CRIP2: variants seen among roughly 807,000 people sequenced by gnomAD.
The protein encoded by CRIP2 is cysteine rich protein 2.
In CRIP2, 31 loss-of-function variants were observed where a neutral mutation model predicts 31.3. That is an observed-to-expected ratio of 0.99 (90% CI 0.74 to 1.34). The LOEUF is 1.34. Ranked by LOEUF, CRIP2 falls within the 40% of genes most tolerant of loss-of-function variation. CRIP2 has a pLI of 0.00. For synonymous variants in CRIP2, 177 were observed against 127.2 expected (o/e 1.39, Z -2.63); for missense variants, 389 against 301.6 (o/e 1.29, Z -2.15).
Position 105,478,319 on chromosome 14 carries a change from G to T in CRIP2, c.97G>T (p.Glu33Ter). 1 of 1,571,156 alleles carries T rather than the reference G, an allele frequency of 6.4e-7. No homozygotes were observed. Among genetic ancestry groups the T allele is most frequent in the Non-Finnish European group, 8.6e-7 (1 of 1,161,240 alleles). Reference protein sequence around the residue: ...KDWHKFCLKCERCSKTLTPGG... With the variant: ...KDWHKFCLKC ...CTGGCACAAGTTCTGCCTCAAGTGCGAGCGCTGCAGCAAGACGCTGACGCC... is the reference window on the plus strand; with the variant it reads ...CTGGCACAAGTTCTGCCTCAAGTGCTAGCGCTGCAGCAAGACGCTGACGCC... Residue 33 changes from glutamate to a stop codon, truncating the protein, a stop_gained, in exon 2 of 8, where the codon GAG becomes TAG. Transcript: ENST00000329146. LOFTEE classifies it high-confidence loss of function. This position sits in a 1 kb window ranked among gnomAD's most constrained non-coding sequence, Gnocchi z 4.9.
Position 105,479,604 on chromosome 14 carries a change from T to C in CRIP2, c.578T>C (p.Val193Ala), listed in dbSNP as rs1338298953. 1.9e-6 allele frequency: 3 copies of C among 1,612,534 alleles called. No homozygotes were observed. Among genetic ancestry groups the C allele is most frequent in the Non-Finnish European group, 2.5e-6 (3 of 1,179,922 alleles). The change falls in exon 8 of 8, where the codon GTG (valine) becomes GCG (alanine). Residue 193 changes from valine to alanine, a missense_variant. By Grantham distance (64) the Val-to-Ala change is moderately conservative. Coordinates refer to ENST00000329146, the MANE Select transcript of CRIP2 (RefSeq NM_001312.4). ...TCCACAGGAGTGAACACCGGTGCGG[T>C]GGGCAGCTACATCTATGACCGGGAC... ...FGPKGVNTGAVGSYIYDRDPE... is the reference protein window; with the variant it reads ...FGPKGVNTGAAGSYIYDRDPE...
At chr14:105,473,287 C>T (rs1555435126), upstream of CRIP2, 1 of 1,439,970 alleles carries the variant, frequency 6.9e-7, no homozygotes, top group African/African-American at 1.5e-5. Context: ...GGCACAGGTC[C>T]CAAGTGCAGA....
In CRIP2 at chr14:105,479,708, C is replaced by T. The variant is rs781789000; in HGVS notation, c.*55C>T. The T allele has an allele frequency of 3.0e-5, 47 of 1,551,038 alleles. No homozygotes were observed. Among genetic ancestry groups the T allele is most frequent in the Non-Finnish European group, 4.1e-5 (47 of 1,141,318 alleles). On this transcript the variant is annotated 3_prime_UTR_variant, in exon 8 of 8. Transcript: ENST00000329146. ...CCTGCGCCCCAGACCCTGCAGGGGCCCCCCTGCTTGGCTCTGCTGGGAGAG... is the reference window on the plus strand; with the variant it reads ...CCTGCGCCCCAGACCCTGCAGGGGCTCCCCTGCTTGGCTCTGCTGGGAGAG...
At chr14:105,473,327 CG>C (rs782118836), upstream of CRIP2, 70 of 48,908 alleles carry the variant, frequency 1.4e-3, no homozygotes, top group Non-Finnish European at 2.0e-3. Context: ...GTCAGTCGGG[CG>C]GGGGGGCGGG....
chr14:105,473,320 A>T (rs2083873102), upstream of CRIP2: 1 of 154,738 alleles, frequency 6.5e-6, no homozygotes, highest in Non-Finnish European at 1.1e-5. Context: ...CAGGCTGGTC[A>T]GTCGGGCGGG....
intron 6 of CRIP2, 79 bp downstream of exon 6, chr14:105,479,298 G>A (rs1347521349): frequency 6.6e-7 from 1 of 1,516,234 alleles, no homozygotes; most frequent in Non-Finnish European, 8.9e-7. Context: ...CGCGCCTAGA[G>A]GGGATGGGGG....
rs1423067805 is a variant in CRIP2 at position 105,478,884 on chromosome 14, CGGGCTG to C, written c.337+23_337+28del. On this transcript the variant is annotated intron_variant, in intron 4 of 7. Transcript: ENST00000329146. The surrounding 1 kb of genome is among the most constrained non-coding windows in gnomAD (Gnocchi z 4.9). ...GGGCCCAGCAGAGGTGGGCTGGGCG[CGGGCTG>C]GGGCTGGGGGTTGTGGGCACGCGCG... The C allele has an allele frequency of 3.5e-6, 5 of 1,442,964 alleles. No homozygotes were observed. The Admixed American group carries it at 1.4e-4, about 41-fold the overall frequency. The allele number at this position is 1,442,964 out of a possible 1,614,324, so 89.4% of individuals were successfully genotyped here. A position where few individuals can be genotyped will look rare whatever the true frequency, so the allele number is the denominator to read the frequency against.
intron 6 of CRIP2, 38 bp from the exon 7 acceptor site, chr14:105,479,398 C>G (rs2084037975): frequency 6.2e-7 from 1 of 1,611,694 alleles, no homozygotes; most frequent in Non-Finnish European, 8.5e-7. Flanking sequence ...TCGGGGGAGT[C>G]TGTGGACTCC....
Position 105,478,360 on chromosome 14 carries a change from G to GGTGA in CRIP2, c.138+2_138+5dup. 6.4e-7 allele frequency: 1 copy of GGTGA among 1,571,990 alleles called. No individual in the cohort carries two copies. The highest frequency in any genetic ancestry group is 2.3e-5 in the East Asian group (1 of 43,202). ...CGCTGACGCCCGGGGGCCACGCCGA[G>GGTGA]GTGAGCCCCACTGCGCGGCGCGGGC... On this transcript the variant is annotated frameshift_variant and splice_region_variant. Transcript: ENST00000329146. LOFTEE classifies it high-confidence loss of function. The surrounding 1 kb of genome is among the most constrained non-coding windows in gnomAD (Gnocchi z 4.9).
chr14:105,474,812 C>A, upstream of CRIP2: 1 of 1,310,890 alleles, frequency 7.6e-7, no homozygotes, highest in Non-Finnish European at 9.8e-7. The surrounding 1 kb of genome is among the most constrained non-coding windows in gnomAD (Gnocchi z 5.1). Context: ...CGGGCGGCGG[C>A]GGCCCGGAGG....
intron 6 of CRIP2, 74 bp downstream of exon 6, chr14:105,479,293 C>G (rs587679419): frequency 1.3e-6 from 2 of 1,513,504 alleles, no homozygotes; most frequent in Non-Finnish European, 1.8e-6. Flanking sequence ...AGAGGCGCGC[C>G]TAGAGGGGAT....
At position 105,478,831 on chromosome 14, in the gene CRIP2, G is replaced by A. The variant is rs1187336791; in HGVS notation, c.297G>A (p.Glu99=). 25 of 1,428,632 alleles carry A rather than the reference G, an allele frequency of 1.7e-5. No homozygotes were observed. Among genetic ancestry groups the A allele is most frequent in the Non-Finnish European group, 2.3e-5 (25 of 1,101,500 alleles). The allele number at this position is 1,428,632 out of a possible 1,614,324, so 88.5% of individuals were successfully genotyped here. The change falls in exon 4 of 8, where the codon GAG becomes GAA. Residue 99 remains glutamate, a synonymous_variant. Transcript: ENST00000329146. The surrounding 1 kb of genome is among the most constrained non-coding windows in gnomAD (Gnocchi z 4.9). ...TCGAGGTCCCCGCGGCCCGAGCAGA[G>A]GAGCGGAAGGCGAGCGGCCCCCCGA... ...GPIEVPAARA[E]ERKASGPPKG...
chr14:105,477,224 C>T (rs1221495887), intron 1 of CRIP2: 19 of 974,414 alleles, frequency 1.9e-5, no homozygotes, highest in Non-Finnish European at 2.2e-5. Context: ...AGGGAGGCCC[C>T]TGCTTCCATC....
At position 105,478,291 on chromosome 14, in the gene CRIP2, G is replaced by A. The variant is rs782255836; in HGVS notation, c.69G>A (p.Lys23=). The A allele has an allele frequency of 6.4e-7, 1 of 1,570,692 alleles. No individual in the cohort carries two copies. Among genetic ancestry groups the A allele is most frequent in the South Asian group, 1.2e-5 (1 of 86,724 alleles). The change falls in exon 2 of 8, where the codon AAG becomes AAA. Residue 23 remains lysine, a synonymous_variant. Coordinates refer to ENST00000329146, the MANE Select transcript of CRIP2 (RefSeq NM_001312.4). The surrounding 1 kb of genome is among the most constrained non-coding windows in gnomAD (Gnocchi z 4.9). ...YFAEKVSSLG[K]DWHKFCLKCE... Reference sequence around the variant, plus strand: ...CCGAGAAGGTGAGCTCCCTGGGGAAGGACTGGCACAAGTTCTGCCTCAAGT... The same window carrying A: ...CCGAGAAGGTGAGCTCCCTGGGGAAAGACTGGCACAAGTTCTGCCTCAAGT...
chr14:105,477,164 C>G (rs2083949320), intron 1 of CRIP2: 3 of 586,524 alleles, frequency 5.1e-6, no homozygotes, highest in Non-Finnish European at 6.4e-6. Context: ...AGAATTCCGG[C>G]TCTGCTGGGC....
rs74977558 is a variant in CRIP2 at position 105,475,771 on chromosome 14, C to T, written c.43+866C>T. Reference sequence around the variant, plus strand: ...GGTGCGCCCTTCCTACCCCCTTCCTCCTGGCTGATTCGCTGCCCAGCTTTC... The same window carrying T: ...GGTGCGCCCTTCCTACCCCCTTCCTTCTGGCTGATTCGCTGCCCAGCTTTC... On this transcript the variant is annotated intron_variant, in intron 1 of 7. Transcript: ENST00000329146. 1.1e-4 allele frequency: 109 copies of T among 969,762 alleles called. 1 individual carries two copies. In the East Asian group the frequency reaches 6.4e-3, roughly 57 times the overall value. The allele number at this position is 969,762 out of a possible 1,614,324, so 60.1% of individuals were successfully genotyped here. A position where few individuals can be genotyped will look rare whatever the true frequency, so the allele number is the denominator to read the frequency against.
At position 105,478,168 on chromosome 14, in the gene CRIP2, G is replaced by A; in HGVS notation, c.44-98G>A. ...GCCTGGGAGACCTCCTGAAAGTGGG[G>A]ACCCCCGGAGCGCGTGGGGGTGGTG... On this transcript the variant is annotated intron_variant, in intron 1 of 7. Transcript: ENST00000329146. This position sits in a 1 kb window ranked among gnomAD's most constrained non-coding sequence, Gnocchi z 4.9. 8.3e-6 allele frequency: 8 copies of A among 960,320 alleles called. No individual in the cohort carries two copies. Among genetic ancestry groups the A allele is most frequent in the African/African-American group, 1.8e-5 (1 of 56,924 alleles). 59.5% of individuals were successfully genotyped at this position (960,320 alleles called of 1,614,324 possible). A position where few individuals can be genotyped will look rare whatever the true frequency, so the allele number is the denominator to read the frequency against.
intron 1 of CRIP2, chr14:105,475,987 G>A (rs1412860074): frequency 2.2e-5 from 22 of 985,460 alleles, no homozygotes; most frequent in Non-Finnish European, 2.5e-5. Context: ...GGGGGTTGAG[G>A]GGAGGTTGTA....
chr14:105,477,864 TGGAG>T, intron 1 of CRIP2, among the ~76,000 whole-genome samples: 1 of 19,586 alleles, frequency 5.1e-5, no homozygotes, highest in Non-Finnish European at 5.8e-4. Context: ...AGGCAGGTGT[TGGAG>T]CGCGGGCAGG....
Sources: allele counts gnomAD v4.1 joint callset (sites outside exome capture counted in the v4.1 genomes callset), GRCh38; gene constraint gnomAD v4.1.1; non-coding constraint Gnocchi (gnomAD v3.1); transcripts MANE v1.5; gene names NCBI Gene and HGNC (gene_info 2026-07-23, HGNC 2026-07-21).